Variants in SNX7 observed in about 807,000 individuals in gnomAD.
The protein encoded by SNX7 is sorting nexin 7.
SNX7 carries 35 observed loss-of-function variants against 48.4 expected under a neutral mutation model. That is an observed-to-expected ratio of 0.72 (90% CI 0.55 to 0.96). SNX7 has a LOEUF of 0.96. Ranked by LOEUF, SNX7 falls within the 40% of genes least tolerant of loss-of-function variation. The probability of loss-of-function intolerance (pLI) is 0.00; values close to 1 mark genes in which losing one functional copy is unlikely to be tolerated. For missense variants in SNX7, 553 were observed against 548.9 expected (o/e 1.01, Z -0.07); for synonymous variants, 190 against 190.2 (o/e 1.00, Z 0.01).
intron 1 of SNX7, among the ~76,000 whole-genome samples, chr1:98,663,275 T>G (rs1403384497): frequency 9.1e-5 from 6 of 66,170 alleles, no homozygotes; most frequent in East Asian, 7.2e-4. Flanking sequence ...TTTTTTTTTT[T>G]TTTTTTTTTT....
At chr1:98,714,327 G>C (rs1652472261) in intron 7 of SNX7, among the ~76,000 whole-genome samples, 1 of 152,170 alleles carries the variant, frequency 6.6e-6, no homozygotes, top group South Asian at 2.1e-4. Context: ...CTGTGAGATA[G>C]GTAGTAATTT....
intron 7 of SNX7, among the ~76,000 whole-genome samples, chr1:98,733,608 G>A (rs755653154): frequency 3.3e-5 from 5 of 152,072 alleles, no homozygotes; most frequent in Non-Finnish European, 2.9e-5. Context: ...ACTAACGTCT[G>A]CAGTTTGCTT....
At chr1:98,728,943 A>C (rs1335634229) in intron 7 of SNX7, among the ~76,000 whole-genome samples, 1 of 152,202 alleles carries the variant, frequency 6.6e-6, no homozygotes, top group African/African-American at 2.4e-5. Flanking sequence ...GATCAAGTGG[A>C]CCTGATAGAT....
At chr1:98,685,349 A>G (rs1318785148) in intron 2 of SNX7, among the ~76,000 whole-genome samples, 2 of 152,190 alleles carry the variant, frequency 1.3e-5, no homozygotes, top group Admixed American at 1.3e-4. Context: ...AAAAGTATTA[A>G]GAAATACCTT....
At chr1:98,694,277 G>A (rs1041351097) in intron 4 of SNX7, among the ~76,000 whole-genome samples, 2 of 151,796 alleles carry the variant, frequency 1.3e-5, no homozygotes, top group African/African-American at 4.8e-5. Flanking sequence ...GGCTGAGGCA[G>A]GAGAATGGCA....
At chr1:98,700,176 AAGT>A (rs1353957046) in intron 6 of SNX7, among the ~76,000 whole-genome samples, 1 of 152,204 alleles carries the variant, frequency 6.6e-6, no homozygotes, top group Non-Finnish European at 1.5e-5. Flanking sequence ...AGGGTATAAT[AAGT>A]AGTACTTATA....
chr1:98,718,229 A>C (rs1205418830), intron 7 of SNX7, among the ~76,000 whole-genome samples: 1 of 152,162 alleles, frequency 6.6e-6, no homozygotes, highest in Non-Finnish European at 1.5e-5. Context: ...TTAGGTCAAG[A>C]TCACACATGA....
intron 7 of SNX7, among the ~76,000 whole-genome samples, chr1:98,723,992 G>A (rs1411392149): frequency 3.3e-5 from 5 of 151,880 alleles, no homozygotes; most frequent in African/African-American, 7.3e-5. Context: ...CTTAGTGATA[G>A]AACATTCTTG....
At chr1:98,733,722 G>A (rs748502819) in intron 7 of SNX7, among the ~76,000 whole-genome samples, 1 of 151,608 alleles carries the variant, frequency 6.6e-6, no homozygotes, top group Non-Finnish European at 1.5e-5. Context: ...CTCCATTTTC[G>A]TTCCTAACGC....
At chr1:98,721,583 A>G (rs1380532162) in intron 7 of SNX7, among the ~76,000 whole-genome samples, 1 of 152,102 alleles carries the variant, frequency 6.6e-6, no homozygotes, top group Non-Finnish European at 1.5e-5. Context: ...GTAAACTGGG[A>G]AAAATAATAT....
intron 8 of SNX7, among the ~76,000 whole-genome samples, chr1:98,748,478 G>A (rs12118178): frequency 0.19 from 28,833 of 151,848 alleles, 2,834 homozygotes; most frequent in East Asian, 0.31. Flanking sequence ...GTTAATCAGG[G>A]ATTTGCGTAG....
intron 7 of SNX7, among the ~76,000 whole-genome samples, chr1:98,715,375 T>G (rs1226042135): frequency 6.6e-6 from 1 of 152,144 alleles, no homozygotes; most frequent in Non-Finnish European, 1.5e-5. Flanking sequence ...TATATGATGT[T>G]TATTTGTCCC....
intron 4 of SNX7, among the ~76,000 whole-genome samples, chr1:98,694,817 C>T (rs1188290499): frequency 6.6e-6 from 1 of 151,516 alleles, no homozygotes; most frequent in Non-Finnish European, 1.5e-5. Context: ...ACCGTGTTAG[C>T]CAGGGTAGTC....
intron 1 of SNX7, among the ~76,000 whole-genome samples, chr1:98,664,484 C>T (rs1473997454): frequency 6.6e-6 from 1 of 152,190 alleles, no homozygotes; most frequent in East Asian, 1.9e-4. Context: ...GCTGAGAGAT[C>T]ACGCCACTGC....
chr1:98,691,415 A>G, intron 3 of SNX7, 120 bp from the exon 4 acceptor site: 1 of 921,450 alleles, frequency 1.1e-6, no homozygotes, highest in East Asian at 3.0e-5. Context: ...ATTTTTAAAA[A>G]TTATTTTTAT....
At chr1:98,719,809 A>G (rs1345643154) in intron 7 of SNX7, among the ~76,000 whole-genome samples, 1 of 150,380 alleles carries the variant, frequency 6.6e-6, no homozygotes, top group Non-Finnish European at 1.5e-5. Flanking sequence ...TTACAATAGA[A>G]TCTTTGAGCC....
chr1:98,756,662 A>C (rs953548130), intron 8 of SNX7, among the ~76,000 whole-genome samples: 1 of 151,642 alleles, frequency 6.6e-6, no homozygotes, highest in Non-Finnish European at 1.5e-5. Context: ...CACCCTCCGC[A>C]TATCTCCAGA....
chr1:98,709,142 GTGT>G (rs1186359235), intron 7 of SNX7, among the ~76,000 whole-genome samples: 6 of 152,184 alleles, frequency 3.9e-5, no homozygotes, highest in Admixed American at 3.3e-4. Flanking sequence ...CTTCCGTAGA[GTGT>G]TGTTAAATGA....
chr1:98,683,029 G>A (rs1344087604), intron 1 of SNX7, among the ~76,000 whole-genome samples: 2 of 151,896 alleles, frequency 1.3e-5, no homozygotes, highest in African/African-American at 4.8e-5. Context: ...CTCTTTTTTG[G>A]TTGGTGGTGT....
Sources: gnomAD v4.1 joint callset for allele counts (sites outside exome capture counted in the v4.1 genomes callset) on GRCh38, gnomAD v4.1.1 for gene constraint, MANE v1.5 for transcripts, NCBI Gene and HGNC (gene_info 2026-07-23, HGNC 2026-07-21) for gene names.